FRMD4A: variants seen among roughly 807,000 people sequenced by gnomAD.
FRMD4A encodes the protein FERM domain containing 4A.
In FRMD4A, 29 loss-of-function variants were observed where a neutral mutation model predicts 129.1. The ratio of observed to expected loss-of-function variants is 0.22; its 90% CI spans 0.17 to 0.31. The LOEUF is 0.31. Among genes scored for constraint, FRMD4A ranks in the 10% least tolerant of loss-of-function variants. The pLI is 1.00. For missense variants in FRMD4A, 1,272 were observed against 1,375.8 expected (o/e 0.92, Z 1.19); for synonymous variants, 634 against 571.6 (o/e 1.11, Z -1.56).
At chr10:14,200,030 T>G (rs1169464429) in intron 2 of FRMD4A, among the ~76,000 whole-genome samples, 1 of 828 alleles carries the variant, frequency 1.2e-3, no homozygotes, top group African/African-American at 1.9e-3. Flanking sequence ...TTTGTTTTGT[T>G]TTTTTTTTTT....
intron 3 of FRMD4A, among the ~76,000 whole-genome samples, chr10:13,858,188 C>G (rs1385939097): frequency 6.6e-6 from 1 of 152,200 alleles, no homozygotes; most frequent in Non-Finnish European, 1.5e-5. Context: ...AATCCCAGCA[C>G]TTTGGGAGGC....
At chr10:14,299,481 A>C (rs948244327) in intron 2 of FRMD4A, among the ~76,000 whole-genome samples, 32 of 152,196 alleles carry the variant, frequency 2.1e-4, no homozygotes, top group African/African-American at 7.5e-4. Flanking sequence ...CACATAATGC[A>C]AGGATTGTTT....
intron 2 of FRMD4A, among the ~76,000 whole-genome samples, chr10:14,153,116 G>T (rs1003536163): frequency 2.0e-5 from 3 of 152,208 alleles, no homozygotes; most frequent in African/African-American, 7.2e-5. Flanking sequence ...GGACAACAAT[G>T]TATTGCAGTG....
intron 2 of FRMD4A, among the ~76,000 whole-genome samples, chr10:14,281,865 A>G (rs925553749): frequency 6.6e-6 from 1 of 152,224 alleles, no homozygotes; most frequent in African/African-American, 2.4e-5. Flanking sequence ...AAGTTGGTCT[A>G]TACATTAGAG....
chr10:14,282,459 C>T (rs1184465495), intron 2 of FRMD4A, among the ~76,000 whole-genome samples: 6 of 152,130 alleles, frequency 3.9e-5, no homozygotes, highest in South Asian at 2.1e-4. Context: ...AATGAGTAAT[C>T]GCCTTGCGTT....
intron 2 of FRMD4A, among the ~76,000 whole-genome samples, chr10:13,915,954 A>G (rs1482725719): frequency 6.6e-6 from 1 of 152,202 alleles, no homozygotes. Flanking sequence ...TGGCTCAGGC[A>G]CTGTGGTTTC....
rs1843800873 is a variant in FRMD4A at position 14,236,030 on chromosome 10, A to G, written c.45+94028T>C. ...GGCAGGTCCTGGAAGAAGGTGAAAC[A>G]GAGAGGGCTTCCTCTAGCTTCATGC... On this transcript the variant is annotated intron_variant, in intron 2 of 24. Transcript: ENST00000357447. 2.0e-5 allele frequency among the ~76,000 whole-genome samples: 3 copies of G among 152,358 alleles called. No individual in the cohort carries two copies. In the South Asian group the frequency reaches 6.2e-4, roughly 32 times the overall value.
intron 2 of FRMD4A, among the ~76,000 whole-genome samples, chr10:14,283,238 T>C (rs1037330013): frequency 6.6e-6 from 1 of 152,230 alleles, no homozygotes; most frequent in African/African-American, 2.4e-5. Context: ...TTGGATTCCT[T>C]GTAGAAGCTA....
intron 2 of FRMD4A, among the ~76,000 whole-genome samples, chr10:14,267,804 G>A (rs979573042): frequency 2.6e-5 from 4 of 152,116 alleles, no homozygotes; most frequent in Non-Finnish European, 5.9e-5. Flanking sequence ...GGGAAAACTC[G>A]ATTGCCATAT....
chr10:13,655,405 T>G (rs1238826444), intron 22 of FRMD4A: 1 of 152,326 alleles, frequency 6.6e-6, no homozygotes, highest in Non-Finnish European at 1.5e-5. Flanking sequence ...ACTCAAGATC[T>G]TCCTGGGGAG....
intron 2 of FRMD4A, among the ~76,000 whole-genome samples, chr10:14,017,635 G>A (rs1417955684): frequency 6.6e-6 from 1 of 152,176 alleles, no homozygotes; most frequent in African/African-American, 2.4e-5. Context: ...CAGGGGAATA[G>A]TTCATCTTGG....
intron 3 of FRMD4A, among the ~76,000 whole-genome samples, chr10:13,819,304 A>G (rs2093594360): frequency 6.6e-6 from 1 of 152,184 alleles, no homozygotes; most frequent in Non-Finnish European, 1.5e-5. Flanking sequence ...TGATTGAACT[A>G]AAGAAAACAC....
At chr10:13,654,317 C>T in intron 23 of FRMD4A, 99 bp downstream of exon 23, 1 of 840,656 alleles carries the variant, frequency 1.2e-6, no homozygotes, top group East Asian at 2.4e-5. Context: ...GATGAACCCT[C>T]ATCATCCATT....
At chr10:13,722,397 A>C (rs936422481) in intron 12 of FRMD4A, among the ~76,000 whole-genome samples, 1 of 151,224 alleles carries the variant, frequency 6.6e-6, no homozygotes, top group African/African-American at 2.4e-5. Context: ...ATACTCGGCT[A>C]ATTAAAAAAA....
chr10:13,937,552 A>G (rs1376948730), intron 2 of FRMD4A, among the ~76,000 whole-genome samples: 1 of 152,166 alleles, frequency 6.6e-6, no homozygotes, highest in Non-Finnish European at 1.5e-5. Context: ...TGAGTAACAA[A>G]TCAGCTCTTT....
chr10:14,285,013 T>A (rs534510847), intron 2 of FRMD4A, among the ~76,000 whole-genome samples: 4 of 152,332 alleles, frequency 2.6e-5, no homozygotes, highest in Middle Eastern at 3.4e-3. Context: ...ACGAAGAAAG[T>A]ATACAGCCTT....
intron 2 of FRMD4A, among the ~76,000 whole-genome samples, chr10:14,198,971 T>G (rs1334222192): frequency 6.6e-6 from 1 of 152,236 alleles, no homozygotes; most frequent in South Asian, 2.1e-4. Context: ...CTTTAAATGC[T>G]TAGTACATGA....
intron 2 of FRMD4A, among the ~76,000 whole-genome samples, chr10:13,904,503 C>G (rs2094858250): frequency 6.6e-6 from 1 of 152,200 alleles, no homozygotes; most frequent in African/African-American, 2.4e-5. Flanking sequence ...ATACTGCTCT[C>G]CGTCAAGAAT....
intron 2 of FRMD4A, among the ~76,000 whole-genome samples, chr10:14,064,849 A>G (rs1834981377): frequency 6.6e-6 from 1 of 152,020 alleles, no homozygotes; most frequent in African/African-American, 2.4e-5. Flanking sequence ...AAGTGCTGGG[A>G]GTAAAGGTGT....
Sources: allele counts gnomAD v4.1 joint callset (sites outside exome capture counted in the v4.1 genomes callset), GRCh38; gene constraint gnomAD v4.1.1; transcripts MANE v1.5; gene names NCBI Gene and HGNC (gene_info 2026-07-23, HGNC 2026-07-21).